Variants in FHIP1A observed in about 807,000 individuals in gnomAD.
The protein encoded by FHIP1A is FHF complex subunit HOOK-interacting protein 1A.
Under a neutral mutation model 88.6 loss-of-function variants are expected in FHIP1A, and 61 were observed. The ratio of observed to expected loss-of-function variants is 0.69; its 90% CI spans 0.56 to 0.85. The LOEUF (loss-of-function observed/expected upper bound fraction) is 0.85. Ranked by LOEUF, FHIP1A falls within the 40% of genes least tolerant of loss-of-function variation. The pLI is 0.00. For missense variants in FHIP1A, 1,154 were observed against 1,273.5 expected (o/e 0.91, Z 1.43); for synonymous variants, 478 against 496.0 (o/e 0.96, Z 0.48).
intron 3 of FHIP1A, among the ~76,000 whole-genome samples, chr4:151,527,983 T>C (rs1264005367): frequency 5.3e-5 from 8 of 152,150 alleles, no homozygotes; most frequent in African/African-American, 1.7e-4. Context: ...ATAAAAACCG[T>C]GTAGCTCCAA....
At chr4:151,550,114 T>C (rs1732667297) in intron 3 of FHIP1A, among the ~76,000 whole-genome samples, 1 of 152,174 alleles carries the variant, frequency 6.6e-6, no homozygotes. Context: ...TTTTTGTGGG[T>C]ACATAGTAGG....
chr4:151,589,453 C>T (rs549995199), intron 7 of FHIP1A, among the ~76,000 whole-genome samples: 1 of 152,314 alleles, frequency 6.6e-6, no homozygotes, highest in East Asian at 1.9e-4. Context: ...TCTTATGACT[C>T]TCTCATTTTG....
intron 7 of FHIP1A, among the ~76,000 whole-genome samples, chr4:151,602,065 CA>C (rs1447742147): frequency 6.6e-6 from 1 of 152,056 alleles, no homozygotes; most frequent in Non-Finnish European, 1.5e-5. Context: ...GACCCGCCCC[CA>C]TGATTCATTT....
chr4:151,499,070 A>G (rs927159162), intron 3 of FHIP1A, among the ~76,000 whole-genome samples: 2 of 152,258 alleles, frequency 1.3e-5, no homozygotes, highest in African/African-American at 4.8e-5. Flanking sequence ...GTGGTTGAAG[A>G]GAACAAGAGA....
rs1737642023 is a variant in FHIP1A, at chr4:151,665,799, G to A, written c.*3045G>A. On this transcript the variant is annotated 3_prime_UTR_variant, in exon 14 of 14. Coordinates refer to ENST00000435205, the MANE Select transcript of FHIP1A (RefSeq NM_001109977.3). ...AAATATCTTTTTTTATAATGAGTTGGGGGGAAAATCTTAAATATGTTTGGC... is the reference window on the plus strand; with the variant it reads ...AAATATCTTTTTTTATAATGAGTTGAGGGGAAAATCTTAAATATGTTTGGC... Among the ~76,000 whole-genome samples, 1 of 152,116 alleles carries A rather than the reference G, an allele frequency of 6.6e-6. No homozygotes were observed. The highest frequency in any genetic ancestry group is 1.5e-5 in the Non-Finnish European group (1 of 68,032).
In FHIP1A at chr4:151,662,622, C is replaced by T. The variant is rs1027155440; in HGVS notation, c.2991C>T (p.Pro997=). The T allele has an allele frequency of 1.3e-5, 20 of 1,551,534 alleles. No homozygotes were observed. The highest frequency in any genetic ancestry group is 1.7e-4 in the Middle Eastern group (1 of 6,014). The change falls in exon 14 of 14, where the codon CCC becomes CCT. Residue 997 remains proline, a synonymous_variant. Transcript: ENST00000435205. Reference sequence around the variant, plus strand: ...TGGCTGAGGCACCCCCCAACCTGCCCCTGCCGGTGAGGAACCCCATGCTGG... The same window carrying T: ...TGGCTGAGGCACCCCCCAACCTGCCTCTGCCGGTGAGGAACCCCATGCTGG... The part of the protein sequence containing the change: ...TKVAEAPPNL[P]LPVRNPMLAA...
chr4:151,515,178 A>G (rs1471494931), intron 3 of FHIP1A, among the ~76,000 whole-genome samples: 1 of 152,084 alleles, frequency 6.6e-6, no homozygotes, highest in East Asian at 1.9e-4. Context: ...GTAATCCAAC[A>G]TATAAACAGA....
At chr4:151,483,098 A>G (rs972444487) in intron 3 of FHIP1A, among the ~76,000 whole-genome samples, 7 of 152,106 alleles carry the variant, frequency 4.6e-5, no homozygotes, top group Admixed American at 1.3e-4. Context: ...GTTTCAAGCA[A>G]TGGTAGTATT....
intron 8 of FHIP1A, among the ~76,000 whole-genome samples, chr4:151,632,308 A>G (rs1219015027): frequency 3.3e-5 from 5 of 152,080 alleles, no homozygotes; most frequent in East Asian, 1.9e-4. Flanking sequence ...ATATATATGC[A>G]TGTAACATCA....
At chr4:151,600,718 T>TCTCC (rs760854563) in intron 7 of FHIP1A, among the ~76,000 whole-genome samples, 3 of 152,076 alleles carry the variant, frequency 2.0e-5, no homozygotes, top group Non-Finnish European at 4.4e-5. Flanking sequence ...TCTCTCTCTC[T>TCTCC]CTCCTTCTTT....
At chr4:151,525,680 T>A (rs1561918) in intron 3 of FHIP1A, among the ~76,000 whole-genome samples, 78,943 of 152,012 alleles carry the variant, frequency 0.52, 20,808 homozygotes, top group African/African-American at 0.55. Context: ...ATTTAATCAT[T>A]TTAAAAACAA....
rs1293377811 is a variant in FHIP1A, at chr4:151,477,685, A to G, written c.-247-4839A>G. On this transcript the variant is annotated intron_variant, in intron 2 of 13. Transcript: ENST00000435205. ...AGAAGAAAAATGGACTAAGGCTACA[A>G]ATAGTCTAAAGGAAGGGAAATAACA... Among the ~76,000 whole-genome samples the G allele has an allele frequency of 5.3e-5, 8 of 152,156 alleles. No homozygotes were observed. The East Asian group carries it at 7.7e-4, about 15-fold the overall frequency.
At chr4:151,658,923 G>T (rs1737350931) in intron 13 of FHIP1A, among the ~76,000 whole-genome samples, 1 of 152,118 alleles carries the variant, frequency 6.6e-6, no homozygotes, top group African/African-American at 2.4e-5. Context: ...CTAATTCAAG[G>T]AGATGAGTGT....
At chr4:151,495,924 A>G in intron 3 of FHIP1A, among the ~76,000 whole-genome samples, 1 of 152,038 alleles carries the variant, frequency 6.6e-6, no homozygotes, top group East Asian at 1.9e-4. Context: ...TGCCTGGCCT[A>G]TATATTCTTT....
chr4:151,664,267 CT>C lies in FHIP1A; in HGVS notation c.*1516del, dbSNP rs1207612780. Among the ~76,000 whole-genome samples, 2 of 152,186 alleles carry C rather than the reference CT, an allele frequency of 1.3e-5. No individual in the cohort carries two copies. Among genetic ancestry groups the C allele is most frequent in the Non-Finnish European group, 2.9e-5 (2 of 68,038 alleles). On this transcript the variant is annotated 3_prime_UTR_variant, in exon 14 of 14. Transcript: ENST00000435205. ...AGCACTGGTTTGGTCTTAATCAGGC[CT>C]TTCATGCACAGGCAGGGCAGTGGCG...
chr4:151,571,821 C>T (rs1733612705), intron 4 of FHIP1A, among the ~76,000 whole-genome samples: 1 of 152,220 alleles, frequency 6.6e-6, no homozygotes, highest in Admixed American at 6.5e-5. Flanking sequence ...ACAGGTAGCT[C>T]TAGCCTTGAC....
In FHIP1A at chr4:151,442,298, T is replaced by C. The variant is rs552346120; in HGVS notation, c.-355-12403T>C. On this transcript the variant is annotated intron_variant, in intron 1 of 13. Transcript: ENST00000435205. ...GATACCTGCTGTTTTAGTCAGAGTT[T>C]GTTGGTTGCAAAGAACAGAAGCCCA... 2.6e-5 allele frequency among the ~76,000 whole-genome samples: 4 copies of C among 152,142 alleles called. No individual in the cohort carries two copies. In the South Asian group the frequency reaches 6.2e-4, roughly 24 times the overall value.
intron 7 of FHIP1A, among the ~76,000 whole-genome samples, chr4:151,615,663 A>T (rs1735492484): frequency 6.6e-6 from 1 of 152,192 alleles, no homozygotes; most frequent in Non-Finnish European, 1.5e-5. Context: ...GTCTCATCAC[A>T]TATTAATCCT....
At position 151,519,108 on chromosome 4, in the gene FHIP1A, G is replaced by A. The variant is rs114302520; in HGVS notation, c.-123+36460G>A. On this transcript the variant is annotated intron_variant, in intron 3 of 13. Transcript: ENST00000435205. ...CAAAATTTGTACTCAAATGAAATGCGTACATCTTAATTATATATTTGCTGA... is the reference window on the plus strand; with the variant it reads ...CAAAATTTGTACTCAAATGAAATGCATACATCTTAATTATATATTTGCTGA... Among the ~76,000 whole-genome samples the A allele has an allele frequency of 2.7e-3, 407 of 152,114 alleles. 1 individual carries two copies. The highest frequency in any genetic ancestry group is 9.3e-3 in the African/African-American group (387 of 41,504).
Sources: gnomAD v4.1 joint callset for allele counts (sites outside exome capture counted in the v4.1 genomes callset) on GRCh38, gnomAD v4.1.1 for gene constraint, MANE v1.5 for transcripts, NCBI Gene and HGNC (gene_info 2026-07-23, HGNC 2026-07-21) for gene names.